PDGFRL: variants seen among roughly 807,000 people sequenced by gnomAD.
PDGFRL encodes platelet derived growth factor receptor like.
PDGFRL carries 46 observed loss-of-function variants against 37.2 expected under a neutral mutation model. The observed-to-expected ratio is 1.24, with a 90% CI of 0.98 to 1.58. The LOEUF (loss-of-function observed/expected upper bound fraction) is 1.58. PDGFRL is among the 40% of genes most tolerant of loss of function. PDGFRL has a pLI of 0.00. For missense variants in PDGFRL, 692 were observed against 467.6 expected (o/e 1.48, Z -4.43); for synonymous variants, 251 against 184.3 (o/e 1.36, Z -2.93).
intron 4 of PDGFRL, among the ~76,000 whole-genome samples, chr8:17,631,258 C>G (rs761332688): frequency 6.6e-6 from 1 of 152,138 alleles, no homozygotes; most frequent in South Asian, 2.1e-4. Context: ...TCTTCTGGCA[C>G]TGTAGTCCCT....
chr8:17,601,730 A>G (rs1804170388), intron 2 of PDGFRL, among the ~76,000 whole-genome samples: 1 of 152,172 alleles, frequency 6.6e-6, no homozygotes, highest in African/African-American at 2.4e-5. Flanking sequence ...TTTAGTCTTC[A>G]GTTCCTGTGT....
intron 1 of PDGFRL, among the ~76,000 whole-genome samples, chr8:17,585,436 A>G (rs75680178): frequency 0.025 from 3,787 of 152,236 alleles, 179 homozygotes; most frequent in South Asian, 0.16. Flanking sequence ...AGAGAAAGGA[A>G]GGGCTTGCTA....
chr8:17,636,002 A>G (rs1036730379), intron 5 of PDGFRL, among the ~76,000 whole-genome samples: 3 of 152,206 alleles, frequency 2.0e-5, no homozygotes, highest in African/African-American at 7.2e-5. Flanking sequence ...AGTTCCTTGT[A>G]GATTCTGGGT....
Position 17,638,769 on chromosome 8 carries a change from ATATATAT to A in PDGFRL, c.940-3843_940-3837del, listed in dbSNP as rs1805029243. ...TATATATATATATATATATATATAT[ATATATAT>A]ATATATATATAATTGTGATATTTTC... On this transcript the variant is annotated intron_variant, in intron 5 of 5. Coordinates refer to ENST00000251630, the MANE Select transcript of PDGFRL (RefSeq NM_001372073.1). 8.5e-5 allele frequency among the ~76,000 whole-genome samples: 9 copies of A among 106,000 alleles called. 1 individual carries two copies. The South Asian group carries it at 1.7e-3, about 20-fold the overall frequency. The allele number at this position is 106,000 out of a possible 152,430, so 69.5% of individuals were successfully genotyped here.
At chr8:17,641,595 C>G (rs929801778) in intron 5 of PDGFRL, among the ~76,000 whole-genome samples, 2 of 152,164 alleles carry the variant, frequency 1.3e-5, no homozygotes, top group Admixed American at 6.5e-5. Context: ...TGCTGTGAGG[C>G]CAGAGATAAT....
chr8:17,627,607 C>G (rs1453147293), intron 3 of PDGFRL, among the ~76,000 whole-genome samples: 2 of 151,492 alleles, frequency 1.3e-5, no homozygotes, highest in Non-Finnish European at 2.9e-5. Context: ...GTAGCTGGGA[C>G]TACAGGCGCG....
chr8:17,622,024 A>G (rs1456702224), intron 3 of PDGFRL, among the ~76,000 whole-genome samples: 1 of 152,086 alleles, frequency 6.6e-6, no homozygotes, highest in African/African-American at 2.4e-5. Context: ...CAAGATTCCC[A>G]AAGATTGTGG....
intron 3 of PDGFRL, among the ~76,000 whole-genome samples, chr8:17,628,196 G>T (rs555127670): frequency 3.3e-5 from 5 of 151,232 alleles, no homozygotes; most frequent in African/African-American, 1.2e-4. Flanking sequence ...GGGTTTCACC[G>T]TGTTAGCCAG....
chr8:17,602,672 C>A (rs190609576), intron 2 of PDGFRL, among the ~76,000 whole-genome samples: 118 of 152,084 alleles, frequency 7.8e-4, no homozygotes, highest in African/African-American at 2.5e-3. Flanking sequence ...TGATACTGGG[C>A]TATTTGGAAA....
rs563970210 is a variant in PDGFRL, at chr8:17,592,711, T to C, written c.353+2946T>C. On this transcript the variant is annotated intron_variant, in intron 2 of 5. Transcript: ENST00000251630. ...GGCATCACTGTCTCTGGGAAACCCA[T>C]GGCAGGCCCCCCCAGCTATGTGTTC... is the stretch of plus-strand genomic sequence containing the variant. 8.5e-5 allele frequency among the ~76,000 whole-genome samples: 13 copies of C among 152,300 alleles called. No individual in the cohort carries two copies. In the East Asian group the frequency reaches 1.7e-3, roughly 20 times the overall value.
chr8:17,601,819 G>T (rs1804171804), intron 2 of PDGFRL, among the ~76,000 whole-genome samples: 1 of 152,130 alleles, frequency 6.6e-6, no homozygotes, highest in Non-Finnish European at 1.5e-5. Flanking sequence ...TTATGGTTGT[G>T]TAGTATTCCA....
chr8:17,640,930 C>G (rs902392078), intron 5 of PDGFRL, among the ~76,000 whole-genome samples: 2 of 152,014 alleles, frequency 1.3e-5, no homozygotes, highest in East Asian at 1.9e-4. Flanking sequence ...CAGACACTCT[C>G]CTTGGGCGGG....
chr8:17,631,291 G>A (rs1327972547), intron 4 of PDGFRL, among the ~76,000 whole-genome samples: 1 of 152,090 alleles, frequency 6.6e-6, no homozygotes, highest in East Asian at 1.9e-4. Context: ...TAGTCTCTCC[G>A]AGAACTCTCA....
intron 2 of PDGFRL, among the ~76,000 whole-genome samples, chr8:17,592,993 A>T (rs563236124): frequency 6.6e-6 from 1 of 152,260 alleles, no homozygotes; most frequent in African/African-American, 2.4e-5. Flanking sequence ...AAATAGACGT[A>T]TAAGTGATAT....
chr8:17,600,116 T>C (rs67571860), intron 2 of PDGFRL, among the ~76,000 whole-genome samples: 38,980 of 152,138 alleles, frequency 0.26, 5,598 homozygotes, highest in African/African-American at 0.38. Flanking sequence ...ATTCACTTTT[T>C]TTCTTTTTCC....
intron 5 of PDGFRL, among the ~76,000 whole-genome samples, chr8:17,640,496 TC>T (rs1206689614): frequency 2.0e-5 from 3 of 152,142 alleles, no homozygotes; most frequent in South Asian, 4.2e-4. Flanking sequence ...CTCTCCCCCT[TC>T]CCCTATGTGT....
intron 4 of PDGFRL, among the ~76,000 whole-genome samples, chr8:17,633,359 T>C (rs1007500957): frequency 3.9e-5 from 6 of 152,122 alleles, no homozygotes; most frequent in African/African-American, 1.4e-4. Flanking sequence ...ATGCAGGAGT[T>C]TGAGGCTGCA....
intron 1 of PDGFRL, among the ~76,000 whole-genome samples, chr8:17,585,449 T>A (rs1803795925): frequency 6.6e-6 from 1 of 152,152 alleles, no homozygotes; most frequent in African/African-American, 2.4e-5. Context: ...GCTTGCTACA[T>A]CTTGCTACAT....
At chr8:17,616,169 A>G (rs569399245) in intron 2 of PDGFRL, among the ~76,000 whole-genome samples, 2 of 144,214 alleles carry the variant, frequency 1.4e-5, no homozygotes, top group African/African-American at 5.1e-5. Context: ...TATTATTGTT[A>G]TTATTTATTT....
Sources: gnomAD v4.1 joint callset for allele counts (sites outside exome capture counted in the v4.1 genomes callset) on GRCh38, gnomAD v4.1.1 for gene constraint, MANE v1.5 for transcripts, NCBI Gene and HGNC (gene_info 2026-07-23, HGNC 2026-07-21) for gene names.